The following EVL variants were observed in gnomAD, a reference collection of about 807,000 sequenced individuals.
EVL encodes ena/VASP-like protein.
A neutral mutation model predicts 59.6 loss-of-function variants in EVL; 21 were observed. The ratio of observed to expected loss-of-function variants is 0.35; its 90% confidence interval spans 0.25 to 0.51. The LOEUF (loss-of-function observed/expected upper bound fraction) is 0.51, where lower values mean the gene tolerates loss of function less well. EVL is among the 20% of genes least tolerant of loss of function. The pLI is 0.97. For synonymous variants in EVL, 198 were observed against 203.5 expected, an observed-to-expected ratio of 0.97 and a Z score of 0.23; for missense variants, 462 against 546.6, an observed-to-expected ratio of 0.85 and a Z score of 1.54.
chr14:100,134,041 T>C (rs1888616479), intron 8 of EVL, among the ~76,000 whole-genome samples: 1 of 152,194 alleles, frequency 6.6e-6, no homozygotes, highest in South Asian at 2.1e-4. Context: ...CCCGAGGCCC[T>C]CTGCACAGGC....
intron 1 of EVL, among the ~76,000 whole-genome samples, chr14:100,026,232 A>G (rs1326047997): frequency 5.9e-5 from 5 of 84,448 alleles, no homozygotes; most frequent in African/African-American, 4.5e-4. Context: ...GTGTCTCAGG[A>G]AAAAAAAAAA....
At chr14:100,132,094 C>A (rs1888472227) in intron 7 of EVL, among the ~76,000 whole-genome samples, 1 of 151,900 alleles carries the variant, frequency 6.6e-6, no homozygotes, top group African/African-American at 2.4e-5. Flanking sequence ...TCAGCAGATA[C>A]CACTGAGGCC....
intron 1 of EVL, among the ~76,000 whole-genome samples, chr14:100,071,681 G>A (rs905466247): frequency 6.6e-6 from 1 of 152,194 alleles, no homozygotes; most frequent in Non-Finnish European, 1.5e-5. Flanking sequence ...ATAGTCAGTT[G>A]TATGGCTGCA....
chr14:100,091,017 A>T (rs2062552479), intron 2 of EVL, among the ~76,000 whole-genome samples: 1 of 152,172 alleles, frequency 6.6e-6, no homozygotes, highest in Non-Finnish European at 1.5e-5. Flanking sequence ...ATATTATATT[A>T]AGTGAATTTG....
intron 1 of EVL, among the ~76,000 whole-genome samples, chr14:100,070,791 A>C (rs1251320149): frequency 6.6e-6 from 1 of 152,248 alleles, no homozygotes; most frequent in Non-Finnish European, 1.5e-5. Flanking sequence ...AGTTGTCCCA[A>C]GGCTGTGCTA....
chr14:99,990,031 T>C (rs776239212), intron 1 of EVL, among the ~76,000 whole-genome samples: 3 of 152,222 alleles, frequency 2.0e-5, no homozygotes, highest in Non-Finnish European at 4.4e-5. Context: ...AATTAAAATA[T>C]GGCAATCATT....
chr14:99,980,993 CG>C (rs754764544), intron 1 of EVL, among the ~76,000 whole-genome samples: 7 of 150,932 alleles, frequency 4.6e-5, no homozygotes, highest in African/African-American at 7.3e-5. Context: ...CCCAGCTACT[CG>C]GGAGGCTGAG....
chr14:99,984,352 A>T (rs1379838132), intron 1 of EVL, among the ~76,000 whole-genome samples: 3 of 152,078 alleles, frequency 2.0e-5, no homozygotes, highest in Admixed American at 6.6e-5. Context: ...ATGTTTCTCA[A>T]ACTTGAATAT....
intron 1 of EVL, among the ~76,000 whole-genome samples, chr14:99,994,758 C>T (rs1023385860): frequency 1.3e-5 from 2 of 152,094 alleles, no homozygotes; most frequent in African/African-American, 4.8e-5. Context: ...TGTATATTCT[C>T]ATGGTTTCAT....
chr14:100,010,643 C>T (rs373921042), intron 1 of EVL, among the ~76,000 whole-genome samples: 3 of 152,178 alleles, frequency 2.0e-5, no homozygotes, highest in Non-Finnish European at 4.4e-5. Context: ...GTGATCCACC[C>T]GCCTTGGCCT....
intron 7 of EVL, among the ~76,000 whole-genome samples, chr14:100,132,502 T>C (rs1193354870): frequency 1.3e-5 from 2 of 152,198 alleles, no homozygotes; most frequent in African/African-American, 2.4e-5. Context: ...ACCAGTTTTG[T>C]GTCCCAGGCC....
chr14:100,049,028 A>T (rs755732276), intron 1 of EVL, among the ~76,000 whole-genome samples: 1 of 152,196 alleles, frequency 6.6e-6, no homozygotes, highest in African/African-American at 2.4e-5. Flanking sequence ...TTACACCACC[A>T]ATCTATGTAG....
chr14:100,102,718 C>G (rs1165088334), intron 3 of EVL, among the ~76,000 whole-genome samples: 3 of 152,202 alleles, frequency 2.0e-5, no homozygotes, highest in African/African-American at 7.2e-5. Context: ...TTCCTCTTCT[C>G]TCCTTAAAGG....
At chr14:100,110,713 C>T (rs1228262676) in intron 3 of EVL, among the ~76,000 whole-genome samples, 1 of 152,228 alleles carries the variant, frequency 6.6e-6, no homozygotes, top group East Asian at 1.9e-4. Flanking sequence ...CACCTGCATC[C>T]TGCTGCTGCC....
chr14:100,018,552 G>A (rs1214113263), intron 1 of EVL, among the ~76,000 whole-genome samples: 1 of 152,148 alleles, frequency 6.6e-6, no homozygotes, highest in Non-Finnish European at 1.5e-5. Context: ...CTAAAACTCA[G>A]CCAGAGCAAT....
intron 1 of EVL, among the ~76,000 whole-genome samples, chr14:99,996,871 G>A (rs2060917651): frequency 6.6e-6 from 1 of 152,092 alleles, no homozygotes; most frequent in African/African-American, 2.4e-5. Flanking sequence ...GGCTGGCCTC[G>A]AACTCCTGAG....
chr14:99,989,029 G>A (rs575948959), intron 1 of EVL, among the ~76,000 whole-genome samples: 8 of 152,148 alleles, frequency 5.3e-5, no homozygotes, highest in Non-Finnish European at 1.0e-4. Context: ...ACAATTCTGT[G>A]AATATCCTAA....
At chr14:100,044,749 G>T (rs2061522841) in intron 1 of EVL, among the ~76,000 whole-genome samples, 1 of 152,182 alleles carries the variant, frequency 6.6e-6, no homozygotes, top group Non-Finnish European at 1.5e-5. Context: ...GGTCCTCGCT[G>T]CCTGAATGGA....
chr14:100,003,543 A>G (rs1239903434), intron 1 of EVL, among the ~76,000 whole-genome samples: 1 of 152,014 alleles, frequency 6.6e-6, no homozygotes, highest in African/African-American at 2.4e-5. Context: ...CAGCCTCCCA[A>G]GTAGCTGGGA....
Sources: gnomAD v4.1 joint callset for allele counts (sites outside exome capture counted in the v4.1 genomes callset) on GRCh38, gnomAD v4.1.1 for gene constraint, MANE v1.5 for transcripts, NCBI Gene and HGNC (gene_info 2026-07-23, HGNC 2026-07-21) for gene names.